The following IQSEC1 variants were observed in gnomAD, a reference collection of about 807,000 sequenced individuals.
IQSEC1 encodes the protein IQ motif and SEC7 domain-containing protein 1.
Under a neutral mutation model 91.0 loss-of-function variants are expected in IQSEC1, and 31 were observed. The observed-to-expected ratio is 0.34, with a 90% CI of 0.26 to 0.46. The LOEUF (loss-of-function observed/expected upper bound fraction) is 0.46. IQSEC1 is among the 20% of genes least tolerant of loss of function. The probability of loss-of-function intolerance (pLI) is 1.00; values close to 1 mark genes in which losing one functional copy is unlikely to be tolerated. For missense variants in IQSEC1, 1,388 were observed against 1,575.6 expected (o/e 0.88, Z 2.02); for synonymous variants, 699 against 662.6 (o/e 1.05, Z -0.84).
At chr3:13,031,656 T>A (rs1008020177) in intron 1 of IQSEC1, among the ~76,000 whole-genome samples, 2 of 151,348 alleles carry the variant, frequency 1.3e-5, no homozygotes, top group Admixed American at 6.6e-5. Context: ...CAAGACAGAG[T>A]CTCATGGAGC....
At chr3:13,093,193 G>A (rs1039458649) in intron 2 of IQSEC1, among the ~76,000 whole-genome samples, 1 of 149,872 alleles carries the variant, frequency 6.7e-6, no homozygotes, top group Non-Finnish European at 1.5e-5. Context: ...ATACAGAGAG[G>A]CATTAAGAGC....
chr3:13,064,940 G>C (rs896243733), intron 1 of IQSEC1, among the ~76,000 whole-genome samples: 1 of 152,248 alleles, frequency 6.6e-6, no homozygotes, highest in African/African-American at 2.4e-5. Context: ...CCTGGACGGA[G>C]AGCCAGCTAA....
chr3:13,110,522 G>A (rs960047516), intron 2 of IQSEC1, among the ~76,000 whole-genome samples: 2 of 152,286 alleles, frequency 1.3e-5, no homozygotes, highest in South Asian at 2.1e-4. Flanking sequence ...CCGGGAGGCC[G>A]AGGTTGCAGC....
intron 1 of IQSEC1, among the ~76,000 whole-genome samples, chr3:13,204,725 C>T (rs970440730): frequency 3.3e-5 from 5 of 152,124 alleles, no homozygotes; most frequent in African/African-American, 1.2e-4. Context: ...TTCTCTATCT[C>T]TTTCTTTCTA....
At chr3:12,960,323 C>T (rs988472417) in intron 1 of IQSEC1, 1 of 152,186 alleles carries the variant, frequency 6.6e-6, no homozygotes, top group African/African-American at 2.4e-5. Context: ...AGATTGTAGG[C>T]ACTGGGTAGA....
chr3:13,007,325 CCT>C (rs1431379662), intron 1 of IQSEC1, among the ~76,000 whole-genome samples: 2 of 152,246 alleles, frequency 1.3e-5, no homozygotes, highest in Non-Finnish European at 2.9e-5. Flanking sequence ...CTGTAACTGG[CCT>C]GTCGGCCGTT....
At chr3:13,037,403 A>G (rs1257829809) in intron 1 of IQSEC1, among the ~76,000 whole-genome samples, 6 of 152,354 alleles carry the variant, frequency 3.9e-5, no homozygotes, top group Admixed American at 3.9e-4. Context: ...ACACAAGAAC[A>G]GGAGAGCAGA....
chr3:13,218,824 G>A (rs1694598043), intron 1 of IQSEC1, among the ~76,000 whole-genome samples: 1 of 152,172 alleles, frequency 6.6e-6, no homozygotes, highest in African/African-American at 2.4e-5. Flanking sequence ...TTCTCTGGCA[G>A]CAGGTGTGCA....
intron 1 of IQSEC1, among the ~76,000 whole-genome samples, chr3:13,176,533 T>C (rs1488019392): frequency 3.3e-5 from 5 of 152,172 alleles, no homozygotes; most frequent in African/African-American, 1.2e-4. Flanking sequence ...GAACACATTC[T>C]AAACACAGAT....
intron 2 of IQSEC1, among the ~76,000 whole-genome samples, chr3:12,939,068 G>A (rs1346939740): frequency 6.6e-6 from 1 of 152,210 alleles, no homozygotes; most frequent in Non-Finnish European, 1.5e-5. Context: ...TACTATGTGT[G>A]CTGGGGACCC....
At chr3:12,996,451 A>G (rs976703343) in intron 1 of IQSEC1, among the ~76,000 whole-genome samples, 3 of 152,250 alleles carry the variant, frequency 2.0e-5, no homozygotes, top group Non-Finnish European at 4.4e-5. Context: ...TGCTGTGAGA[A>G]TTAACTATGA....
intron 1 of IQSEC1, among the ~76,000 whole-genome samples, chr3:13,027,754 C>T (rs1234115512): frequency 6.6e-6 from 1 of 152,074 alleles, no homozygotes; most frequent in East Asian, 1.9e-4. Flanking sequence ...CAAGGCAGAA[C>T]GGGGGGACTC....
intron 2 of IQSEC1, among the ~76,000 whole-genome samples, chr3:13,128,733 C>T (rs1247722654): frequency 6.6e-6 from 1 of 151,894 alleles, no homozygotes; most frequent in African/African-American, 2.4e-5. Context: ...AAAAAAGAGC[C>T]GGGCGTGGTG....
chr3:12,898,867 C>CAA lies in IQSEC1; in HGVS notation c.*2115_*2116insTT, dbSNP rs3841938. 117,251 of 153,486 alleles carry CAA rather than the reference C, an allele frequency of 0.76. 46,067 individuals are homozygous for CAA. Among genetic ancestry groups the CAA allele is most frequent in the African/African-American group, 0.94 (39,190 of 41,538 alleles). The allele number at this position is 153,486 out of a possible 1,614,324, so 9.5% of individuals were successfully genotyped here. On this transcript the variant is annotated 3_prime_UTR_variant, in exon 14 of 14. Transcript: ENST00000613206. The stretch of plus-strand genomic sequence containing the variant: ...GAACAGCCTCCTCAAAATTGCGAGA[C>CAA]AGAGTGCTTTGGGGAGCCTGGCTTT...
rs1021771465 is a variant in IQSEC1, at chr3:12,922,887, T to C, written c.1731-645A>G. On this transcript the variant is annotated intron_variant, in intron 4 of 13. Coordinates refer to ENST00000613206, the MANE Select transcript of IQSEC1 (RefSeq NM_001134382.3). The surrounding 1 kb of genome is among the most constrained non-coding windows in gnomAD (Gnocchi z 5.1). The stretch of plus-strand genomic sequence containing the variant: ...TATGGTGACCCCTGAACAGAGAAGA[T>C]GGAGTCTGCACCAGGAGCCCTGAGG... Among the ~76,000 whole-genome samples the C allele has an allele frequency of 6.6e-6, 1 of 152,120 alleles. No individual in the cohort carries two copies. The highest frequency in any genetic ancestry group is 1.5e-5 in the Non-Finnish European group (1 of 68,020).
At chr3:13,228,400 A>G (rs983725209) in intron 1 of IQSEC1, among the ~76,000 whole-genome samples, 1 of 152,052 alleles carries the variant, frequency 6.6e-6, no homozygotes, top group African/African-American at 2.4e-5. Context: ...TCCCAGAGCC[A>G]CTCTTTCCCA....
intron 1 of IQSEC1, among the ~76,000 whole-genome samples, chr3:13,070,798 C>T (rs1467515884): frequency 1.3e-5 from 2 of 152,166 alleles, no homozygotes; most frequent in Admixed American, 6.5e-5. Flanking sequence ...AGACAGTGAG[C>T]GCTAAGCCCC....
intron 1 of IQSEC1, among the ~76,000 whole-genome samples, chr3:13,009,053 C>T (rs901539821): frequency 2.0e-5 from 3 of 152,216 alleles, no homozygotes; most frequent in African/African-American, 7.2e-5. Context: ...TCCAGGGTTC[C>T]AAGGCTGTGA....
chr3:13,257,415 G>A (rs1695309622), intron 1 of IQSEC1, among the ~76,000 whole-genome samples: 1 of 152,148 alleles, frequency 6.6e-6, no homozygotes, highest in South Asian at 2.1e-4. Context: ...CCCACATTTG[G>A]TGACCTCGCT....
Sources: allele counts gnomAD v4.1 joint callset (sites outside exome capture counted in the v4.1 genomes callset), GRCh38; gene constraint gnomAD v4.1.1; non-coding constraint Gnocchi (gnomAD v3.1); transcripts MANE v1.5; gene names NCBI Gene and HGNC (gene_info 2026-07-23, HGNC 2026-07-21).